SUV39H2: variants seen among roughly 807,000 people sequenced by gnomAD.
SUV39H2 encodes the protein SUV39H2 histone lysine methyltransferase, also known as histone-lysine N-methyltransferase SUV39H2.
SUV39H2 carries 10 observed loss-of-function variants against 47.5 expected under a neutral mutation model. That is an observed-to-expected ratio of 0.21 (90% confidence interval 0.13 to 0.36). The LOEUF (loss-of-function observed/expected upper bound fraction) is 0.36, where lower values mean the gene tolerates loss of function less well. Ranked by LOEUF, SUV39H2 falls within the 10% of genes least tolerant of loss-of-function variation. The pLI is 1.00. For synonymous variants in SUV39H2, 159 were observed against 166.8 expected (o/e 0.95, Z 0.36); for missense variants, 266 against 487.4 (o/e 0.55, Z 4.28).
chr10:14,893,249 C>G (rs554814557), intron 2 of SUV39H2, among the ~76,000 whole-genome samples: 2 of 151,732 alleles, frequency 1.3e-5, no homozygotes, highest in Middle Eastern at 6.8e-3. Flanking sequence ...GTGATCCGCC[C>G]GCCTCGGCCT....
At chr10:14,902,305 C>T in intron 5 of SUV39H2, 101 bp from the exon 6 acceptor site, 2 of 666,900 alleles carry the variant, frequency 3.0e-6, no homozygotes, top group Non-Finnish European at 4.9e-6. Flanking sequence ...ATGTAAGTAC[C>T]CTCTATCACT....
At chr10:14,884,833 TTCTG>T (rs1335313791) in intron 2 of SUV39H2, among the ~76,000 whole-genome samples, 3 of 152,240 alleles carry the variant, frequency 2.0e-5, no homozygotes, top group African/African-American at 7.2e-5. Context: ...TACTTAGCCT[TTCTG>T]TCTTTCAGTT....
chr10:14,886,493 G>T (rs1196829104), intron 2 of SUV39H2, among the ~76,000 whole-genome samples: 1 of 152,146 alleles, frequency 6.6e-6, no homozygotes, highest in African/African-American at 2.4e-5. Context: ...TTTTAGTCCC[G>T]GTACAGAACG....
chr10:14,893,868 GT>G (rs1833474495), intron 2 of SUV39H2, among the ~76,000 whole-genome samples: 1 of 152,108 alleles, frequency 6.6e-6, no homozygotes, highest in African/African-American at 2.4e-5. Flanking sequence ...AGTGGCAGAT[GT>G]TTTTAGTGTT....
intron 4 of SUV39H2, among the ~76,000 whole-genome samples, 200 bp downstream of exon 4, chr10:14,899,885 A>G (rs1380613101): frequency 1.3e-5 from 2 of 152,234 alleles, no homozygotes; most frequent in Non-Finnish European, 2.9e-5. Flanking sequence ...CCTACCAAAT[A>G]TTAATAGGGT....
Position 14,902,601 on chromosome 10 carries a change from A to G in SUV39H2, c.*89A>G, listed in dbSNP as rs1486005310. 4 of 791,196 alleles carry G rather than the reference A, an allele frequency of 5.1e-6. No homozygotes were observed. Among genetic ancestry groups the G allele is most frequent in the Non-Finnish European group, 7.7e-6 (4 of 522,042 alleles). 49.0% of individuals were successfully genotyped at this position (791,196 alleles called of 1,614,324 possible). ...ATACATATTTGGGACTCTTATTATC[A>G]AGGTTCTACCTATGTTAATTTACAA... On this transcript the variant is annotated 3_prime_UTR_variant, in exon 6 of 6. Coordinates refer to ENST00000354919, the MANE Select transcript of SUV39H2 (RefSeq NM_001193424.2).
chr10:14,887,317 A>G (rs1225274011), intron 2 of SUV39H2, among the ~76,000 whole-genome samples: 1 of 152,110 alleles, frequency 6.6e-6, no homozygotes, highest in Non-Finnish European at 1.5e-5. Flanking sequence ...TCTGGTAGTG[A>G]AGGTGCCAGG....
chr10:14,890,110 A>T (rs565123773), intron 2 of SUV39H2, among the ~76,000 whole-genome samples: 2 of 152,340 alleles, frequency 1.3e-5, no homozygotes, highest in African/African-American at 4.8e-5. Flanking sequence ...ACATCTGACA[A>T]TATAGTGATA....
At chr10:14,895,180 A>T (rs1450439991) in intron 2 of SUV39H2, among the ~76,000 whole-genome samples, 15 of 139,692 alleles carry the variant, frequency 1.1e-4, no homozygotes, top group Admixed American at 1.4e-4. Context: ...TTTTACTTTT[A>T]TTTTTTTTTT....
chr10:14,892,302 T>C (rs1833414007), intron 2 of SUV39H2, among the ~76,000 whole-genome samples: 1 of 152,206 alleles, frequency 6.6e-6, no homozygotes, highest in African/African-American at 2.4e-5. Context: ...CACCATGGTT[T>C]CTGAGAACTT....
chr10:14,898,234 A>G, intron 3 of SUV39H2: 1 of 89,546 alleles, frequency 1.1e-5, no homozygotes, highest in Middle Eastern at 8.6e-3. Context: ...TTTTTTTGAG[A>G]AGTAGTACTG....
intron 4 of SUV39H2, among the ~76,000 whole-genome samples, chr10:14,900,922 C>T (rs1227877537): frequency 6.6e-6 from 1 of 152,080 alleles, no homozygotes; most frequent in Non-Finnish European, 1.5e-5. Context: ...ATAGGGATTT[C>T]TTATTTTCTC....
intron 2 of SUV39H2, among the ~76,000 whole-genome samples, chr10:14,889,527 C>T (rs1214351403): frequency 6.6e-6 from 1 of 152,120 alleles, no homozygotes; most frequent in Non-Finnish European, 1.5e-5. Flanking sequence ...AAGAATTGAC[C>T]GAGGAAGTGC....
At chr10:14,879,786 T>A (rs1457443420) in intron 1 of SUV39H2, 1 of 152,208 alleles carries the variant, frequency 6.6e-6, no homozygotes, top group African/African-American at 2.4e-5. Flanking sequence ...GGGGTTACTG[T>A]GAACCAGCGG....
chr10:14,901,312 T>A, intron 5 of SUV39H2, 50 bp downstream of exon 5: 1 of 1,608,988 alleles, frequency 6.2e-7, no homozygotes, highest in Non-Finnish European at 8.5e-7. Context: ...ATATGAAGAA[T>A]CAAATCAGAC....
intron 3 of SUV39H2, chr10:14,899,318 T>TAA: frequency 9.8e-6 from 6 of 610,672 alleles, no homozygotes; most frequent in Admixed American, 2.5e-5. Context: ...AGACCCTGTT[T>TAA]AAAAAAAAAA....
At chr10:14,899,945 A>T (rs926846454) in intron 4 of SUV39H2, among the ~76,000 whole-genome samples, 6 of 152,218 alleles carry the variant, frequency 3.9e-5, no homozygotes, top group African/African-American at 1.4e-4. Context: ...ACTTTCTAGT[A>T]ACTTTGTACG....
chr10:14,881,508 G>A lies in SUV39H2; in HGVS notation c.40G>A (p.Val14Met). ...CTATTTTCTTATTGTAGCTTGGTGT[G>A]TGCCTTGCCTAGTTTCACTTGATAC... is the stretch of plus-strand genomic sequence containing the variant. ...VGAEARGAWC[V>M]PCLVSLDTLQ... Residue 14 changes from valine to methionine, a missense_variant, in exon 2 of 6, where the codon GTG becomes ATG. Physicochemically the swap from Val to Met is conservative, Grantham distance 21. Transcript: ENST00000354919. 2 of 1,555,646 alleles carry A rather than the reference G, an allele frequency of 1.3e-6. No homozygotes were observed. The highest frequency in any genetic ancestry group is 1.7e-6 in the Non-Finnish European group (2 of 1,156,090).
intron 2 of SUV39H2, among the ~76,000 whole-genome samples, chr10:14,882,450 T>C (rs1021047767): frequency 1.2e-4 from 18 of 152,252 alleles, no homozygotes; most frequent in African/African-American, 4.3e-4. Context: ...CTTATGCCCA[T>C]GCATCTCACC....
Sources: gnomAD v4.1 joint callset for allele counts (sites outside exome capture counted in the v4.1 genomes callset) on GRCh38, gnomAD v4.1.1 for gene constraint, MANE v1.5 for transcripts, NCBI Gene and HGNC (gene_info 2026-07-23, HGNC 2026-07-21) for gene names.